PRRC1: variants seen among roughly 807,000 people sequenced by gnomAD.
PRRC1 encodes the protein protein PRRC1.
A neutral mutation model predicts 40.7 loss-of-function variants in PRRC1; 39 were observed. That is an observed-to-expected ratio of 0.96 (90% CI 0.74 to 1.25). The LOEUF is 1.25. Among genes scored for constraint, PRRC1 ranks in the 50% most tolerant of loss-of-function variants. PRRC1 has a pLI of 0.00. For missense variants in PRRC1, 573 were observed against 548.3 expected, an observed-to-expected ratio of 1.05 and a Z score of -0.45; for synonymous variants, 175 against 193.3, an observed-to-expected ratio of 0.91 and a Z score of 0.79.
chr5:127,542,770 C>T (rs1187764034), intron 7 of PRRC1, among the ~76,000 whole-genome samples: 8 of 150,094 alleles, frequency 5.3e-5, no homozygotes, highest in Non-Finnish European at 7.4e-5. Context: ...ATGTGTGTCT[C>T]TGCACGTGAG....
intron 1 of PRRC1, among the ~76,000 whole-genome samples, chr5:127,520,836 A>G (rs1767440899): frequency 6.6e-6 from 1 of 152,202 alleles, no homozygotes; most frequent in African/African-American, 2.4e-5. Context: ...TCTATAGTTA[A>G]TAGTGTTGTA....
Position 127,524,806 on chromosome 5 carries a change from G to C in PRRC1, c.379G>C (p.Gly127Arg). ...CACTCTTTTACCTGCACCCCCTTCGGGTCCTCCTATATCAGGATTTTCTGT... is the reference window on the plus strand; with the variant it reads ...CACTCTTTTACCTGCACCCCCTTCGCGTCCTCCTATATCAGGATTTTCTGT... ...PNTLLPAPPS[G>R]PPISGFSVGS... The change falls in exon 3 of 9, where the codon GGT (glycine) becomes CGT (arginine). Residue 127 changes from glycine (G) to arginine (R), a missense_variant. Physicochemically the swap from Gly to Arg is moderately radical, Grantham distance 125. Coordinates refer to ENST00000296666, the MANE Select transcript of PRRC1 (RefSeq NM_130809.5). The C allele has an allele frequency of 6.2e-7, 1 of 1,614,018 alleles. No individual in the cohort carries two copies. Among genetic ancestry groups the C allele is most frequent in the Non-Finnish European group, 8.5e-7 (1 of 1,179,986 alleles).
At chr5:127,537,798 G>A (rs1303478339) in intron 6 of PRRC1, among the ~76,000 whole-genome samples, 1 of 151,924 alleles carries the variant, frequency 6.6e-6, no homozygotes, top group Non-Finnish European at 1.5e-5. Flanking sequence ...ACTGCTTCCT[G>A]GGAGGAGTGA....
In PRRC1 at chr5:127,533,687, A is replaced by C. The variant is rs972651462; in HGVS notation, c.822A>C (p.Arg274=). 2.5e-6 allele frequency: 4 copies of C among 1,614,024 alleles called. No individual in the cohort carries two copies. The highest frequency in any genetic ancestry group is 2.5e-6 in the Non-Finnish European group (3 of 1,180,020). ...AAGAAGTAAAAGTTGCTGCTGTCCG[A>C]GATGCCTTCCAGGAGGTCTTTGGCT... ...SNKEVKVAAV[R]DAFQEVFGLA... Residue 274 remains arginine, a synonymous_variant, in exon 6 of 9, where the codon CGA becomes CGC. Coordinates refer to ENST00000296666, the MANE Select transcript of PRRC1 (RefSeq NM_130809.5).
chr5:127,535,727 C>T (rs758589226), intron 6 of PRRC1, among the ~76,000 whole-genome samples: 2 of 152,070 alleles, frequency 1.3e-5, no homozygotes, highest in Non-Finnish European at 2.9e-5. Context: ...GCACATAGAC[C>T]CTTTACCTGC....
chr5:127,548,456 CT>C (rs33977862), intron 8 of PRRC1: 188 of 137,570 alleles, frequency 1.4e-3, no homozygotes, highest in Admixed American at 1.5e-3. Flanking sequence ...CCTTATTCCT[CT>C]TTTTTTTTTT....
At chr5:127,546,365 C>A (rs780957051) in intron 7 of PRRC1, among the ~76,000 whole-genome samples, 3 of 152,212 alleles carry the variant, frequency 2.0e-5, no homozygotes, top group Non-Finnish European at 4.4e-5. Flanking sequence ...TCCTCATCTA[C>A]TGATTCCAAT....
chr5:127,528,766 T>C (rs1437740666), intron 4 of PRRC1, among the ~76,000 whole-genome samples: 2 of 152,230 alleles, frequency 1.3e-5, no homozygotes, highest in Non-Finnish European at 2.9e-5. Context: ...ATTTCTTTAC[T>C]ATATGAGGTA....
rs371096003 is a variant in PRRC1, at chr5:127,523,483, A to G, written c.4A>G (p.Met2Val). The G allele has an allele frequency of 1.6e-5, 25 of 1,594,832 alleles. No individual in the cohort carries two copies. Among genetic ancestry groups the G allele is most frequent in the Admixed American group, 5.4e-5 (3 of 55,164 alleles). The change falls in exon 2 of 9, where the codon ATG becomes GTG. Residue 2 changes from methionine (M) to valine (V), a missense_variant. Physicochemically the swap from Met to Val is conservative, Grantham distance 21 (BLOSUM62 1). Coordinates refer to ENST00000296666, the MANE Select transcript of PRRC1 (RefSeq NM_130809.5). ...AGTATACCATAATTGAAGAAAAATGATGGAAGAGAGTGGAATAGAGACAAC... is the reference window on the plus strand; with the variant it reads ...AGTATACCATAATTGAAGAAAAATGGTGGAAGAGAGTGGAATAGAGACAAC... MMEESGIETTPP... is the reference protein window; with the variant it reads MVEESGIETTPP...
Position 127,553,260 on chromosome 5 carries a change from C to T in PRRC1, c.*1344C>T. 11 of 986,848 alleles carry T rather than the reference C, an allele frequency of 1.1e-5. No individual in the cohort carries two copies. The highest frequency in any genetic ancestry group is 1.3e-5 in the Non-Finnish European group (11 of 831,016). 61.1% of individuals were successfully genotyped at this position (986,848 alleles called of 1,614,324 possible). A position where few individuals can be genotyped will look rare whatever the true frequency, so the allele number is the denominator to read the frequency against. On this transcript the variant is annotated 3_prime_UTR_variant, in exon 9 of 9. Coordinates refer to ENST00000296666, the MANE Select transcript of PRRC1 (RefSeq NM_130809.5). ...GTATCAGGTTTGCTTTGTGTTAATGCCACTTCAAGTCATTATTTGGTTTCT... is the reference window on the plus strand; with the variant it reads ...GTATCAGGTTTGCTTTGTGTTAATGTCACTTCAAGTCATTATTTGGTTTCT...
chr5:127,533,611 T>C lies in PRRC1; in HGVS notation c.758-12T>C, dbSNP rs373612909. ...TTAATTTGAAAGTTAAATTTTCCTC[T>C]GGTCTTTTTAGAATCTGGAGGTGAA... On this transcript the variant is annotated splice_polypyrimidine_tract_variant and intron_variant, in intron 5 of 8. Coordinates refer to ENST00000296666, the MANE Select transcript of PRRC1 (RefSeq NM_130809.5). The C allele has an allele frequency of 1.2e-6, 2 of 1,602,446 alleles. No individual in the cohort carries two copies. Among genetic ancestry groups the C allele is most frequent in the African/African-American group, 1.3e-5 (1 of 74,080 alleles).
intron 8 of PRRC1, chr5:127,548,347 A>G (rs1768282951): frequency 3.5e-6 from 1 of 286,382 alleles, no homozygotes; most frequent in Non-Finnish European, 6.5e-6. Context: ...AACATTAGAA[A>G]CCTTATAGGC....
intron 8 of PRRC1, chr5:127,548,125 T>C (rs778463652): frequency 1.3e-5 from 8 of 625,362 alleles, no homozygotes; most frequent in Non-Finnish European, 2.3e-5. Flanking sequence ...TTTCCAGGTG[T>C]CTTTGAAAGG....
intron 1 of PRRC1, 27 bp from the exon 2 acceptor site, chr5:127,523,433 A>AT: frequency 2.6e-6 from 3 of 1,165,408 alleles, no homozygotes; most frequent in Non-Finnish European, 3.7e-6. Flanking sequence ...ACTGTGTAAT[A>AT]TTTGTTACAT....
chr5:127,552,953 T>C lies in PRRC1; in HGVS notation c.*1037T>C. The C allele has an allele frequency of 3.5e-6, 3 of 867,908 alleles. No individual in the cohort carries two copies. The highest frequency in any genetic ancestry group is 1.1e-4 in the South Asian group (2 of 18,664). The allele number at this position is 867,908 out of a possible 1,614,324, so 53.8% of individuals were successfully genotyped here. Reference sequence around the variant, plus strand: ...TATATTCAATCTAGTTTATTTAGTCTACTGTATTTCTATTTCGTGGAAGCC... The same window carrying C: ...TATATTCAATCTAGTTTATTTAGTCCACTGTATTTCTATTTCGTGGAAGCC... On this transcript the variant is annotated 3_prime_UTR_variant, in exon 9 of 9. Transcript: ENST00000296666.
intron 5 of PRRC1, 55 bp downstream of exon 5, chr5:127,530,451 C>T (rs1709654009): frequency 6.5e-6 from 7 of 1,077,192 alleles, no homozygotes; most frequent in East Asian, 2.5e-5. Context: ...GGTATGTCCA[C>T]ATCAGCCACT....
intron 4 of PRRC1, among the ~76,000 whole-genome samples, chr5:127,529,180 A>C (rs1767700805): frequency 1.3e-5 from 2 of 151,774 alleles, no homozygotes; most frequent in Admixed American, 1.3e-4. Context: ...GCCAAGTTCC[A>C]ATATTCTGCT....
At position 127,553,828 on chromosome 5, in the gene PRRC1, G is replaced by A. The variant is rs1316826710; in HGVS notation, c.*1912G>A. The A allele has an allele frequency of 6.5e-7, 1 of 1,535,794 alleles. No homozygotes were observed. The highest frequency in any genetic ancestry group is 8.7e-7 in the Non-Finnish European group (1 of 1,146,668). On this transcript the variant is annotated 3_prime_UTR_variant, in exon 9 of 9. Coordinates refer to ENST00000296666, the MANE Select transcript of PRRC1 (RefSeq NM_130809.5). ...ATTTTCCTAGAATCCCCAAAGAGCA[G>A]TGGCAGTCCATGGCTTGGTTGAAGC...
intron 2 of PRRC1, chr5:127,523,849 A>G: frequency 3.3e-6 from 1 of 304,722 alleles, no homozygotes; most frequent in Non-Finnish European, 5.9e-6. Flanking sequence ...GAAATATCCT[A>G]AAAAGCATGT....
Sources: allele counts gnomAD v4.1 joint callset (sites outside exome capture counted in the v4.1 genomes callset), GRCh38; gene constraint gnomAD v4.1.1; transcripts MANE v1.5; gene names NCBI Gene and HGNC (gene_info 2026-07-23, HGNC 2026-07-21).